PRRC2B: variants seen among roughly 807,000 people sequenced by gnomAD.
PRRC2B encodes protein PRRC2B.
In PRRC2B, 68 loss-of-function variants were observed where a neutral mutation model predicts 242.3. That is an observed-to-expected ratio of 0.28 (90% CI 0.23 to 0.34). PRRC2B has a LOEUF of 0.34. PRRC2B is among the 10% of genes least tolerant of loss of function. PRRC2B has a pLI of 1.00. For synonymous variants in PRRC2B, 1,228 were observed against 1,173.6 expected, an observed-to-expected ratio of 1.05 and a Z score of -0.95; for missense variants, 2,835 against 2,954.8, an observed-to-expected ratio of 0.96 and a Z score of 0.94.
intron 5 of PRRC2B, 48 bp from the exon 6 acceptor site, chr9:131,444,137 T>G (rs753791039): frequency 3.7e-6 from 6 of 1,608,032 alleles, no homozygotes; most frequent in South Asian, 2.2e-5. Flanking sequence ...AGCAGACGAC[T>G]GTTGACTCCA....
chr9:131,486,414 C>A, intron 26 of PRRC2B: 1 of 880,348 alleles, frequency 1.1e-6, no homozygotes, highest in Non-Finnish European at 1.4e-6. Context: ...GTTTTCCTTT[C>A]TCAAAGTTCT....
chr9:131,419,735 C>T (rs1387882433), intron 1 of PRRC2B, among the ~76,000 whole-genome samples: 1 of 152,072 alleles, frequency 6.6e-6, no homozygotes, highest in Non-Finnish European at 1.5e-5. Context: ...GGAAATAGAC[C>T]TCAAGTCACA....
rs763484855 is a variant in PRRC2B at position 131,487,246 on chromosome 9, T to C, written c.5936T>C (p.Leu1979Pro). 3.7e-6 allele frequency: 6 copies of C among 1,613,136 alleles called. No homozygotes were observed. The South Asian group carries it at 6.6e-5, about 18-fold the overall frequency. ...AQAQLGLRGG[L>P]PVSQSQEIFS... ...GCTCAGCTTGGACTGAGGGGTGGGC[T>C]TCCTGTGTCCCAGTCCCAGGAGATC... is the stretch of plus-strand genomic sequence containing the variant. The change falls in exon 27 of 32, where the codon CTT (leucine) becomes CCT (proline). Residue 1979 changes from leucine to proline, a missense_variant. Physicochemically the swap from Leu to Pro is moderately conservative, Grantham distance 98. Coordinates refer to ENST00000683519, the MANE Select transcript of PRRC2B (RefSeq NM_013318.4). This position sits in a 1 kb window ranked among gnomAD's most constrained non-coding sequence, Gnocchi z 5.3.
intron 28 of PRRC2B, among the ~76,000 whole-genome samples, chr9:131,489,669 G>T (rs1284415469): frequency 6.6e-6 from 1 of 151,942 alleles, no homozygotes; most frequent in Admixed American, 6.6e-5. Context: ...CTCCCTTTCT[G>T]TGTCACCCAG....
At chr9:131,400,781 G>A (rs911243558) in intron 1 of PRRC2B, among the ~76,000 whole-genome samples, 1 of 152,122 alleles carries the variant, frequency 6.6e-6, no homozygotes, top group Non-Finnish European at 1.5e-5. Context: ...TGATGAGTGG[G>A]GCTTGAGGTC....
intron 10 of PRRC2B, among the ~76,000 whole-genome samples, chr9:131,456,617 A>G (rs1943088246): frequency 6.6e-6 from 1 of 151,760 alleles, no homozygotes; most frequent in Non-Finnish European, 1.5e-5. Flanking sequence ...CAGCCCGGGC[A>G]ACAGAGCGAG....
intron 12 of PRRC2B, among the ~76,000 whole-genome samples, chr9:131,465,484 G>A (rs1468488580): frequency 6.6e-6 from 1 of 152,222 alleles, no homozygotes; most frequent in African/African-American, 2.4e-5. Flanking sequence ...GGATGAGTAT[G>A]TACCTGCCAG....
intron 9 of PRRC2B, among the ~76,000 whole-genome samples, chr9:131,450,723 G>T (rs1167099200): frequency 6.6e-6 from 1 of 151,764 alleles, no homozygotes; most frequent in East Asian, 1.9e-4. Context: ...AAGTAGCTGG[G>T]ATTACAGGTG....
intron 1 of PRRC2B, among the ~76,000 whole-genome samples, chr9:131,377,005 C>T (rs554523325): frequency 2.7e-4 from 41 of 152,132 alleles, no homozygotes; most frequent in African/African-American, 6.7e-4. Flanking sequence ...AGACCCGGTC[C>T]GTTGAAAAAA....
intron 1 of PRRC2B, among the ~76,000 whole-genome samples, chr9:131,396,122 C>T (rs1251171909): frequency 6.6e-6 from 1 of 152,172 alleles, no homozygotes; most frequent in Non-Finnish European, 1.5e-5. Flanking sequence ...CCTTGGGTAT[C>T]TATTAGGGCT....
chr9:131,485,959 TAC>T (rs1484636575), intron 25 of PRRC2B, 124 bp from the exon 26 acceptor site: 5 of 736,062 alleles, frequency 6.8e-6, no homozygotes, highest in Non-Finnish European at 1.2e-5. Flanking sequence ...GCAGCCTCTG[TAC>T]ACACGCCCTC....
chr9:131,392,589 A>G (rs1298204153), upstream of PRRC2B, among the ~76,000 whole-genome samples: 1 of 152,202 alleles, frequency 6.6e-6, no homozygotes, highest in Non-Finnish European at 1.5e-5. Flanking sequence ...AGAGATAGCG[A>G]AATATTGAAG....
chr9:131,436,300 G>C (rs1187860359), intron 3 of PRRC2B, among the ~76,000 whole-genome samples: 1 of 152,170 alleles, frequency 6.6e-6, no homozygotes, highest in African/African-American at 2.4e-5. Flanking sequence ...GGGAAGCAGA[G>C]GTTGCATTGA....
intron 1 of PRRC2B, among the ~76,000 whole-genome samples, chr9:131,405,818 G>A (rs1032364445): frequency 2.0e-5 from 3 of 152,132 alleles, no homozygotes; most frequent in Non-Finnish European, 4.4e-5. Context: ...TCCCTTGCAG[G>A]CACAGTGCAG....
chr9:131,479,968 T>C (rs1281693312), intron 19 of PRRC2B, among the ~76,000 whole-genome samples: 1 of 152,238 alleles, frequency 6.6e-6, no homozygotes, highest in Non-Finnish European at 1.5e-5. Flanking sequence ...GAATTTTTCC[T>C]TATAAAATAG....
chr9:131,402,960 G>C (rs1411122168), intron 1 of PRRC2B, among the ~76,000 whole-genome samples: 2 of 152,228 alleles, frequency 1.3e-5, no homozygotes, highest in East Asian at 3.8e-4. Flanking sequence ...TCAACTTCCC[G>C]ACACGCTTCA....
chr9:131,413,342 C>G (rs144405817), intron 1 of PRRC2B, among the ~76,000 whole-genome samples: 182 of 152,292 alleles, frequency 1.2e-3, no homozygotes, highest in African/African-American at 4.3e-3. Flanking sequence ...GGAAACTGAA[C>G]GCAGTAGGGT....
rs548315135 is a variant in PRRC2B, at chr9:131,454,975, G to T, written c.1121-101G>T. The T allele has an allele frequency of 1.5e-5, 13 of 847,164 alleles. No homozygotes were observed. In the Middle Eastern group the frequency reaches 9.0e-4, roughly 59 times the overall value. 52.5% of individuals were successfully genotyped at this position (847,164 alleles called of 1,614,324 possible). On this transcript the variant is annotated intron_variant, in intron 9 of 31. Coordinates refer to ENST00000683519, the MANE Select transcript of PRRC2B (RefSeq NM_013318.4). Reference sequence around the variant, plus strand: ...CTGTCCTCATGATCCGCCCACCTCAGCCTCGCAAAGTACTGGGATTACAGG... The same window carrying T: ...CTGTCCTCATGATCCGCCCACCTCATCCTCGCAAAGTACTGGGATTACAGG...
intron 5 of PRRC2B, among the ~76,000 whole-genome samples, chr9:131,440,202 T>C (rs898910896): frequency 1.3e-5 from 2 of 152,216 alleles, no homozygotes; most frequent in Non-Finnish European, 2.9e-5. Flanking sequence ...CCACCGTGCC[T>C]GACCTCAAAA....
Sources: gnomAD v4.1 joint callset for allele counts (sites outside exome capture counted in the v4.1 genomes callset) on GRCh38, gnomAD v4.1.1 for gene constraint, Gnocchi (gnomAD v3.1) non-coding constraint, MANE v1.5 for transcripts, NCBI Gene and HGNC (gene_info 2026-07-23, HGNC 2026-07-21) for gene names.